The following ENTPD3 variants were observed in gnomAD, a reference collection of about 807,000 sequenced individuals.
The protein encoded by ENTPD3 is CD39 antigen-like 3.
A neutral mutation model predicts 51.2 loss-of-function variants in ENTPD3; 60 were observed. The ratio of observed to expected loss-of-function variants is 1.17; its 90% confidence interval spans 0.95 to 1.45. ENTPD3 has a LOEUF of 1.45. Ranked by LOEUF, ENTPD3 falls within the 40% of genes most tolerant of loss-of-function variation. The pLI is 0.00. For synonymous variants in ENTPD3, 221 were observed against 238.4 expected (o/e 0.93, Z 0.67); for missense variants, 593 against 641.1 (o/e 0.93, Z 0.81).
Position 40,427,510 on chromosome 3 carries a change from C to G in ENTPD3, c.*2C>G, listed in dbSNP as rs746600426. ...GACCATGCAGTGGATTCTGACTGAG[C>G]CTTCAAAGCAGCTCCTGGAGTCCAA... is the stretch of plus-strand genomic sequence containing the variant. On this transcript the variant is annotated 3_prime_UTR_variant, in exon 11 of 11. Coordinates refer to ENST00000301825, the MANE Select transcript of ENTPD3 (RefSeq NM_001248.4). 1.7e-5 allele frequency: 28 copies of G among 1,610,228 alleles called. No homozygotes were observed. Among genetic ancestry groups the G allele is most frequent in the Admixed American group, 3.3e-5 (2 of 59,986 alleles).
intron 5 of ENTPD3, among the ~76,000 whole-genome samples, chr3:40,412,943 G>A (rs1381305623): frequency 2.0e-5 from 3 of 152,112 alleles, no homozygotes; most frequent in Non-Finnish European, 2.9e-5. Flanking sequence ...TTTCATTTAC[G>A]TGTAATAGAA....
chr3:40,427,240 C>G (rs374104319), intron 10 of ENTPD3, 32 bp from the exon 11 acceptor site: 145 of 1,555,714 alleles, frequency 9.3e-5, no homozygotes, highest in Middle Eastern at 5.0e-4. Flanking sequence ...GAGCCTTGCC[C>G]TGAGCGCTGA....
At chr3:40,387,981 C>G (rs1403780442) in intron 1 of ENTPD3, 65 bp from the exon 2 acceptor site, 13 of 1,359,812 alleles carry the variant, frequency 9.6e-6, no homozygotes, top group African/African-American at 1.4e-5. Context: ...AACCTGGGCT[C>G]GTTCTTTAAA....
At position 40,400,773 on chromosome 3, in the gene ENTPD3, T is replaced by TAGCC. The variant is rs1352847387; in HGVS notation, c.169-120_169-117dup. ...GGAGAAAATAATTTTTCTTATTGAT[T>TAGCC]AGCCCTTCCCTAAGCGAAGCAGTGT... On this transcript the variant is annotated intron_variant, in intron 3 of 10. Transcript: ENST00000301825. The TAGCC allele has an allele frequency of 2.7e-5, 18 of 674,342 alleles. No homozygotes were observed. The East Asian group carries it at 4.8e-4, about 18-fold the overall frequency. The allele number at this position is 674,342 out of a possible 1,614,324, so 41.8% of individuals were successfully genotyped here.
Position 40,414,719 on chromosome 3 carries a change from G to A in ENTPD3, c.476G>A (p.Ser159Asn), listed in dbSNP as rs771656116. Residue 159 changes from serine (S) to asparagine (N), a missense_variant, in exon 6 of 11, where the codon AGC (serine) becomes AAC (asparagine). Coordinates refer to ENST00000301825, the MANE Select transcript of ENTPD3 (RefSeq NM_001248.4). ...NETAANEVLE[S>N]IQSYFKSQPF... ...ACAGCAGCTAATGAAGTCCTTGAAA[G>A]CATCCAAAGCTACTTCAAGTCCCAG... 47 of 1,613,988 alleles carry A rather than the reference G, an allele frequency of 2.9e-5. No homozygotes were observed. The highest frequency in any genetic ancestry group is 3.8e-5 in the Non-Finnish European group (45 of 1,179,986).
chr3:40,411,929 A>C lies in ENTPD3; in HGVS notation c.404A>C (p.His135Pro), dbSNP rs766690589. ...PSHLHGSTPIHLGATAGMRLL... is the reference protein window; with the variant it reads ...PSHLHGSTPIPLGATAGMRLL... ...CACCTCCACGGATCCACCCCCATTC[A>C]CCTGGGAGCCACGGCTGGGATGCGC... is the stretch of plus-strand genomic sequence containing the variant. The change falls in exon 5 of 11, where the codon CAC (histidine) becomes CCC (proline). Residue 135 changes from histidine to proline, a missense_variant. Transcript: ENST00000301825. 1.2e-6 allele frequency: 2 copies of C among 1,611,554 alleles called. No individual in the cohort carries two copies.
intron 2 of ENTPD3, chr3:40,391,207 AC>A (rs1553642080): frequency 6.6e-6 from 1 of 151,792 alleles, no homozygotes; most frequent in Non-Finnish European, 1.5e-5. Context: ...CAAGTGATCC[AC>A]CCACTTCGGC....
chr3:40,425,444 A>T (rs1030016602), intron 10 of ENTPD3, among the ~76,000 whole-genome samples: 15 of 152,220 alleles, frequency 9.9e-5, no homozygotes, highest in African/African-American at 3.6e-4. Flanking sequence ...ATAAATAAAT[A>T]AAAATGTGAA....
At chr3:40,425,271 G>C (rs533394312) in intron 10 of ENTPD3, among the ~76,000 whole-genome samples, 83 of 151,892 alleles carry the variant, frequency 5.5e-4, no homozygotes, top group Non-Finnish European at 1.1e-3. Context: ...TACGAAATTA[G>C]CTGGGCATGT....
At position 40,394,684 on chromosome 3, in the gene ENTPD3, A is replaced by G. The variant is rs554412589; in HGVS notation, c.168+2534A>G. ...CTCCCTGACCCTGAGTTCTGAATGG[A>G]GATCCCAAATGGAGGGAAGGGATTG... On this transcript the variant is annotated intron_variant, in intron 3 of 10. Coordinates refer to ENST00000301825, the MANE Select transcript of ENTPD3 (RefSeq NM_001248.4). Among the ~76,000 whole-genome samples the G allele has an allele frequency of 2.0e-5, 3 of 152,294 alleles. No individual in the cohort carries two copies. The South Asian group carries it at 6.2e-4, about 32-fold the overall frequency.
In ENTPD3 at chr3:40,411,865, G is replaced by A. The variant is rs1485160288; in HGVS notation, c.340G>A (p.Glu114Lys). 1 of 1,612,248 alleles carries A rather than the reference G, an allele frequency of 6.2e-7. No homozygotes were observed. The highest frequency in any genetic ancestry group is 1.3e-5 in the African/African-American group (1 of 74,988). The change falls in exon 5 of 11, where the codon GAG becomes AAG. Residue 114 changes from glutamate (E) to lysine (K), a missense_variant. Transcript: ENST00000301825. Reference protein sequence around the residue: ...NNPQDVPRAFEECMQKVKGQV... With the variant: ...NNPQDVPRAFKECMQKVKGQV... ...CCCCCAAGATGTCCCCAGAGCCTTT[G>A]AGGAGTGTATGCAAAAAGTCAAGGG... is the stretch of plus-strand genomic sequence containing the variant.
At chr3:40,419,733 TTTTC>T (rs1026220034) in intron 7 of ENTPD3, among the ~76,000 whole-genome samples, 1 of 152,248 alleles carries the variant, frequency 6.6e-6, no homozygotes, top group African/African-American at 2.4e-5. Context: ...GTTAAATGTA[TTTTC>T]TTTGTGTATA....
chr3:40,414,749 T>C lies in ENTPD3; in HGVS notation c.506T>C (p.Phe169Ser), dbSNP rs1321725638. ...SIQSYFKSQPFDFRGAQIISG... is the reference protein window; with the variant it reads ...SIQSYFKSQPSDFRGAQIISG... The stretch of plus-strand genomic sequence containing the variant: ...CAAAGCTACTTCAAGTCCCAGCCCT[T>C]TGACTTTAGGGGTGCTCAAATCATT... The change falls in exon 6 of 11, where the codon TTT becomes TCT. Residue 169 changes from phenylalanine to serine, a missense_variant. Phe to Ser is a radical substitution (Grantham distance 155). Coordinates refer to ENST00000301825, the MANE Select transcript of ENTPD3 (RefSeq NM_001248.4). 1 of 1,614,128 alleles carries C rather than the reference T, an allele frequency of 6.2e-7. No homozygotes were observed. Among genetic ancestry groups the C allele is most frequent in the Non-Finnish European group, 8.5e-7 (1 of 1,179,990 alleles).
chr3:40,424,139 T>C (rs901896543), intron 10 of ENTPD3, 176 bp downstream of exon 10: 2 of 985,136 alleles, frequency 2.0e-6, no homozygotes, highest in African/African-American at 3.5e-5. Flanking sequence ...TTTAGAAGAG[T>C]TGCTCATGGG....
intron 4 of ENTPD3, among the ~76,000 whole-genome samples, chr3:40,401,357 A>G (rs558407816): frequency 8.5e-5 from 13 of 152,342 alleles, no homozygotes; most frequent in Admixed American, 2.0e-4. Flanking sequence ...TACTCACAGG[A>G]GTAGCCCAGA....
chr3:40,411,543 T>C (rs1955631271), intron 4 of ENTPD3, among the ~76,000 whole-genome samples: 1 of 152,132 alleles, frequency 6.6e-6, no homozygotes, highest in South Asian at 2.1e-4. Flanking sequence ...TACTATTCTC[T>C]CTACTTTTAT....
At chr3:40,411,582 A>T (rs1320441985) in intron 4 of ENTPD3, among the ~76,000 whole-genome samples, 1 of 152,044 alleles carries the variant, frequency 6.6e-6, no homozygotes. Flanking sequence ...TAATGAAAAC[A>T]TTTTTTTAAA....
At chr3:40,389,712 G>C (rs1176042733) in intron 2 of ENTPD3, among the ~76,000 whole-genome samples, 1 of 152,224 alleles carries the variant, frequency 6.6e-6, no homozygotes, top group Non-Finnish European at 1.5e-5. Context: ...AGAGTTAGCT[G>C]TTCTGAGCCA....
intron 7 of ENTPD3, among the ~76,000 whole-genome samples, chr3:40,417,994 A>G (rs1955786915): frequency 6.6e-6 from 1 of 152,088 alleles, no homozygotes. Flanking sequence ...TTTTGTACTC[A>G]TACAATGTTT....
Sources: allele counts gnomAD v4.1 joint callset (sites outside exome capture counted in the v4.1 genomes callset), GRCh38; gene constraint gnomAD v4.1.1; transcripts MANE v1.5; gene names NCBI Gene and HGNC (gene_info 2026-07-23, HGNC 2026-07-21).